Variants in MRTFB observed in about 807,000 individuals in gnomAD.
MRTFB encodes the protein myocardin related transcription factor B, also known as myocardin-related transcription factor B.
In MRTFB, 29 loss-of-function variants were observed where a neutral mutation model predicts 104.2. The observed-to-expected ratio is 0.28, with a 90% confidence interval of 0.21 to 0.38. MRTFB has a LOEUF of 0.38. MRTFB is among the 10% of genes least tolerant of loss of function. The pLI is 1.00. For synonymous variants in MRTFB, 535 were observed against 519.5 expected, an observed-to-expected ratio of 1.03 and a Z score of -0.41; for missense variants, 1,270 against 1,341.6, an observed-to-expected ratio of 0.95 and a Z score of 0.83.
chr16:14,161,229 G>C (rs753449490), intron 3 of MRTFB, among the ~76,000 whole-genome samples: 7 of 151,500 alleles, frequency 4.6e-5, no homozygotes, highest in Non-Finnish European at 7.4e-5. Context: ...CAAAGCCAGA[G>C]GACTTACATT....
intron 10 of MRTFB, chr16:14,240,958 A>G (rs2042741518): frequency 1.7e-6 from 1 of 575,580 alleles, no homozygotes; most frequent in Non-Finnish European, 3.1e-6. Context: ...ACTAGTACAG[A>G]GGAAGGAATA....
rs993525393 is a variant in MRTFB at position 14,263,419 on chromosome 16, G to A, written c.*1975G>A. ...AGTTCTTGGCCACAGTTTTTTTGCT[G>A]AGGGTTTCTGTCTGGGCCTATCAGG... On this transcript the variant is annotated 3_prime_UTR_variant, in exon 17 of 17. Coordinates refer to ENST00000571589, the MANE Select transcript of MRTFB (RefSeq NM_001308142.2). 4 of 152,160 alleles carry A rather than the reference G, an allele frequency of 2.6e-5. No individual in the cohort carries two copies. The highest frequency in any genetic ancestry group is 5.9e-5 in the Non-Finnish European group (4 of 68,034). The allele number at this position is 152,160 out of a possible 1,614,324, so 9.4% of individuals were successfully genotyped here. A position where few individuals can be genotyped will look rare whatever the true frequency, so the allele number is the denominator to read the frequency against.
At chr16:14,171,982 T>C (rs2039438020) in intron 3 of MRTFB, among the ~76,000 whole-genome samples, 1 of 152,232 alleles carries the variant, frequency 6.6e-6, no homozygotes, top group African/African-American at 2.4e-5. Flanking sequence ...TGCAGTTGCA[T>C]TCATTTATTT....
At chr16:14,127,488 A>G (rs1280496194) in intron 2 of MRTFB, among the ~76,000 whole-genome samples, 2 of 151,492 alleles carry the variant, frequency 1.3e-5, no homozygotes, top group Non-Finnish European at 2.9e-5. Flanking sequence ...TAAAAATACA[A>G]AAAAAATTAG....
intron 3 of MRTFB, among the ~76,000 whole-genome samples, chr16:14,208,066 G>A (rs1278888748): frequency 6.6e-6 from 1 of 152,218 alleles, no homozygotes. Context: ...CACATCTGGT[G>A]TCAGAAGTGT....
At chr16:14,219,409 TATA>T (rs1433013557) in intron 8 of MRTFB, among the ~76,000 whole-genome samples, 4 of 152,238 alleles carry the variant, frequency 2.6e-5, no homozygotes, top group Admixed American at 1.3e-4. Flanking sequence ...CCTTTGGCTT[TATA>T]ATAATTCTTG....
In MRTFB at chr16:14,146,417, ATCT is replaced by A. The variant is rs1335477322; in HGVS notation, c.154+5661_154+5663del. ...TTTGAGCTTATAGTCCTATCTTGAA[ATCT>A]TCTAAGATTTTCCATCCATTAAATT... On this transcript the variant is annotated intron_variant, in intron 3 of 16. Coordinates refer to ENST00000571589, the MANE Select transcript of MRTFB (RefSeq NM_001308142.2). Among the ~76,000 whole-genome samples the A allele has an allele frequency of 2.6e-5, 4 of 152,242 alleles. No individual in the cohort carries two copies. The South Asian group carries it at 8.3e-4, about 31-fold the overall frequency.
the MRTFB span, among the ~76,000 whole-genome samples, chr16:14,065,220 A>G: frequency 6.6e-6 from 1 of 152,088 alleles, no homozygotes. Flanking sequence ...TTGTGTGGCT[A>G]TTGCAAATGT....
intron 2 of MRTFB, among the ~76,000 whole-genome samples, chr16:14,118,042 A>G (rs1475599724): frequency 2.0e-5 from 3 of 152,128 alleles, no homozygotes; most frequent in Non-Finnish European, 4.4e-5. Context: ...AAAAGAAAAA[A>G]TGATATAAAA....
At chr16:14,065,056 C>A in the MRTFB span, among the ~76,000 whole-genome samples, 1 of 152,088 alleles carries the variant, frequency 6.6e-6, no homozygotes, top group African/African-American at 2.4e-5. Flanking sequence ...GGTAGTATGG[C>A]CATTTTAACA....
intron 4 of MRTFB, among the ~76,000 whole-genome samples, chr16:14,211,263 C>T (rs1485722982): frequency 6.9e-6 from 1 of 143,910 alleles, no homozygotes; most frequent in Non-Finnish European, 1.5e-5. Context: ...CCAGATTTCT[C>T]CACCACCACC....
At chr16:14,103,606 G>T (rs1050212646) in intron 2 of MRTFB, among the ~76,000 whole-genome samples, 6 of 152,138 alleles carry the variant, frequency 3.9e-5, no homozygotes, top group Non-Finnish European at 7.3e-5. Context: ...GAATCCTGCT[G>T]CAGTGTACTA....
chr16:14,030,993 A>G, the MRTFB span, among the ~76,000 whole-genome samples: 2 of 152,222 alleles, frequency 1.3e-5, no homozygotes, highest in Non-Finnish European at 2.9e-5. Context: ...CTACAGGTAT[A>G]TAATAAAAGT....
chr16:14,004,100 A>G, the MRTFB span, among the ~76,000 whole-genome samples: 26 of 152,306 alleles, frequency 1.7e-4, no homozygotes, highest in African/African-American at 6.0e-4. Context: ...GACTGTGGAC[A>G]GCAAGCCATG....
intron 2 of MRTFB, among the ~76,000 whole-genome samples, chr16:14,132,556 A>G (rs920680979): frequency 1.6e-4 from 24 of 152,218 alleles, no homozygotes; most frequent in Admixed American, 1.2e-3. Context: ...TTTATTTGGT[A>G]TGTGCTCTGA....
chr16:14,138,942 A>T (rs574486051), intron 2 of MRTFB, among the ~76,000 whole-genome samples: 2 of 152,236 alleles, frequency 1.3e-5, no homozygotes, highest in Admixed American at 1.3e-4. Context: ...AAAATGGATC[A>T]TAGACTTAAA....
At chr16:14,005,406 G>T in the MRTFB span, among the ~76,000 whole-genome samples, 2 of 152,186 alleles carry the variant, frequency 1.3e-5, no homozygotes. Flanking sequence ...GAAAGATTCA[G>T]CAGAGAGTGA....
intron 1 of MRTFB, among the ~76,000 whole-genome samples, chr16:14,074,399 A>G (rs1372603237): frequency 1.3e-5 from 2 of 152,296 alleles, no homozygotes; most frequent in Non-Finnish European, 2.9e-5. Context: ...TTTTCTAGGC[A>G]TAGGGGATAG....
At chr16:14,218,349 G>T (rs917675129) in intron 7 of MRTFB, among the ~76,000 whole-genome samples, 3 of 152,108 alleles carry the variant, frequency 2.0e-5, no homozygotes, top group African/African-American at 7.2e-5. Context: ...GTGAGCCACC[G>T]CACCCAGCCT....
Sources: allele counts gnomAD v4.1 joint callset (sites outside exome capture counted in the v4.1 genomes callset), GRCh38; gene constraint gnomAD v4.1.1; transcripts MANE v1.5; gene names NCBI Gene and HGNC (gene_info 2026-07-23, HGNC 2026-07-21).